KDM2A: variants seen among roughly 807,000 people sequenced by gnomAD.
KDM2A encodes lysine demethylase 2A.
Under a neutral mutation model 137.3 loss-of-function variants are expected in KDM2A, and 3 were observed. That is an observed-to-expected ratio of 0.02 (90% CI 0.01 to 0.06). KDM2A has a LOEUF of 0.06. Among genes scored for constraint, KDM2A ranks in the 10% least tolerant of loss-of-function variants. KDM2A has a pLI of 1.00. For synonymous variants in KDM2A, 512 were observed against 541.5 expected, an observed-to-expected ratio of 0.95 and a Z score of 0.76; for missense variants, 738 against 1,510.6, an observed-to-expected ratio of 0.49 and a Z score of 8.48.
intron 12 of KDM2A, chr11:67,240,425 A>G: frequency 6.9e-7 from 1 of 1,447,236 alleles, no homozygotes; most frequent in Non-Finnish European, 9.3e-7. Flanking sequence ...AACTATAGGG[A>G]CTTTTGTCTC....
At chr11:67,182,983 T>C (rs923538084) in intron 5 of KDM2A, among the ~76,000 whole-genome samples, 4 of 152,246 alleles carry the variant, frequency 2.6e-5, no homozygotes, top group African/African-American at 9.6e-5. Flanking sequence ...AGTACTGCAG[T>C]ACTATCTCCT....
intron 5 of KDM2A, chr11:67,195,621 A>C (rs1245208606): frequency 6.5e-6 from 1 of 154,512 alleles, no homozygotes; most frequent in Non-Finnish European, 1.4e-5. Flanking sequence ...TTCTTTGCAA[A>C]ACTCTTTATT....
intron 2 of KDM2A, among the ~76,000 whole-genome samples, chr11:67,152,362 T>C (rs538094798): frequency 6.6e-6 from 1 of 152,084 alleles, no homozygotes; most frequent in South Asian, 2.1e-4. Context: ...ACACTTGTTA[T>C]TCCAAGTATT....
chr11:67,181,489 A>G (rs952186715), intron 4 of KDM2A, 91 bp downstream of exon 4: 6 of 758,360 alleles, frequency 7.9e-6, no homozygotes, highest in African/African-American at 1.8e-5. Context: ...AACCCAAAAC[A>G]ATAGTAATTG....
chr11:67,172,082 G>A (rs189279955), intron 2 of KDM2A, among the ~76,000 whole-genome samples: 89 of 152,132 alleles, frequency 5.9e-4, no homozygotes, highest in Non-Finnish European at 1.0e-3. Flanking sequence ...CTCAACCTCC[G>A]GGACTCAAGC....
chr11:67,170,867 C>G (rs1408895378), intron 2 of KDM2A, among the ~76,000 whole-genome samples: 3 of 152,118 alleles, frequency 2.0e-5, no homozygotes, highest in Non-Finnish European at 4.4e-5. Flanking sequence ...GTCGAAGTCT[C>G]AAGTGGATTT....
chr11:67,196,152 T>C, intron 5 of KDM2A: 1 of 395,976 alleles, frequency 2.5e-6, no homozygotes, highest in Non-Finnish European at 5.1e-6. Flanking sequence ...GGCAATTTTC[T>C]AACAAGACAT....
chr11:67,138,123 G>A (rs577553689), intron 2 of KDM2A, among the ~76,000 whole-genome samples: 3 of 152,068 alleles, frequency 2.0e-5, no homozygotes, highest in East Asian at 3.9e-4. Flanking sequence ...TAGGACCACC[G>A]TCACATATAC....
At chr11:67,132,713 A>T (rs1319327360) in intron 2 of KDM2A, among the ~76,000 whole-genome samples, 4 of 152,204 alleles carry the variant, frequency 2.6e-5, no homozygotes, top group Non-Finnish European at 5.9e-5. Context: ...AGGAACCCTG[A>T]ACTCTTAAGG....
In KDM2A at chr11:67,239,971, C is replaced by T. The variant is rs535556413; in HGVS notation, c.1480-3038C>T. ...AGCAGTTGCTGAACACACCCCCTCC[C>T]GGCTCTGCAGCAGAACGGCTGGGCC... On this transcript the variant is annotated intron_variant, in intron 12 of 20. Transcript: ENST00000529006. 25 of 1,063,014 alleles carry T rather than the reference C, an allele frequency of 2.4e-5. No homozygotes were observed. The East Asian group carries it at 4.3e-4, about 18-fold the overall frequency. The allele number at this position is 1,063,014 out of a possible 1,614,324, so 65.8% of individuals were successfully genotyped here. A position where few individuals can be genotyped will look rare whatever the true frequency, so the allele number is the denominator to read the frequency against.
At chr11:67,205,488 A>G (rs986067017) in intron 5 of KDM2A, among the ~76,000 whole-genome samples, 1 of 152,034 alleles carries the variant, frequency 6.6e-6, no homozygotes, top group Admixed American at 6.6e-5. Context: ...GACAATAGAT[A>G]TAAATTTTTT....
At chr11:67,125,353 G>T (rs1394368632) in intron 2 of KDM2A, among the ~76,000 whole-genome samples, 1 of 151,522 alleles carries the variant, frequency 6.6e-6, no homozygotes, top group Non-Finnish European at 1.5e-5. Context: ...GTTAATTTTT[G>T]TATTTTTTGT....
At chr11:67,161,463 A>T (rs552168293) in intron 2 of KDM2A, among the ~76,000 whole-genome samples, 1 of 152,314 alleles carries the variant, frequency 6.6e-6, no homozygotes, top group South Asian at 2.1e-4. Flanking sequence ...AGTGTTTTGC[A>T]CAGTTTTTAA....
chr11:67,129,961 CT>C (rs1220967190), intron 2 of KDM2A, among the ~76,000 whole-genome samples: 225 of 141,724 alleles, frequency 1.6e-3, no homozygotes, highest in African/African-American at 3.2e-3. Flanking sequence ...CTCTCCTATT[CT>C]TTTTTTTTTT....
intron 2 of KDM2A, among the ~76,000 whole-genome samples, chr11:67,170,496 T>A (rs1286139847): frequency 7.0e-6 from 1 of 142,244 alleles, no homozygotes; most frequent in Non-Finnish European, 1.5e-5. Context: ...CACTGCAAGC[T>A]CCGCCTCCTG....
At chr11:67,230,957 T>G (rs1858697022) in intron 11 of KDM2A, among the ~76,000 whole-genome samples, 1 of 152,022 alleles carries the variant, frequency 6.6e-6, no homozygotes, top group Non-Finnish European at 1.5e-5. Context: ...TTTGGTTTTT[T>G]TTTGTTTGTT....
intron 2 of KDM2A, among the ~76,000 whole-genome samples, chr11:67,151,272 A>G (rs1299311733): frequency 2.0e-5 from 3 of 152,194 alleles, no homozygotes; most frequent in African/African-American, 7.2e-5. Flanking sequence ...GCCACTAGCC[A>G]CAGGTTGCTA....
intron 2 of KDM2A, among the ~76,000 whole-genome samples, chr11:67,129,068 G>A (rs1855793409): frequency 6.6e-6 from 1 of 152,178 alleles, no homozygotes; most frequent in Non-Finnish European, 1.5e-5. Flanking sequence ...GGGCTACAGA[G>A]CAAGACCCTG....
chr11:67,174,056 G>A lies in KDM2A; in HGVS notation c.43-6023G>A, dbSNP rs1312228263. ...GCAAATCACCTGAAGTCAGGAGTTC[G>A]AGACCAGCCTGGTCAGCATGTCGAA... On this transcript the variant is annotated intron_variant, in intron 2 of 20. Transcript: ENST00000529006. Among the ~76,000 whole-genome samples the A allele has an allele frequency of 3.3e-5, 5 of 152,092 alleles. No homozygotes were observed. The East Asian group carries it at 7.7e-4, about 24-fold the overall frequency.
Sources: gnomAD v4.1 joint callset for allele counts (sites outside exome capture counted in the v4.1 genomes callset) on GRCh38, gnomAD v4.1.1 for gene constraint, MANE v1.5 for transcripts, NCBI Gene and HGNC (gene_info 2026-07-23, HGNC 2026-07-21) for gene names.